The following FAM184B variants were observed in gnomAD, a reference collection of about 807,000 sequenced individuals.
FAM184B encodes family with sequence similarity 184 member B.
A neutral mutation model predicts 135.9 loss-of-function variants in FAM184B; 111 were observed. The ratio of observed to expected loss-of-function variants is 0.82; its 90% CI spans 0.70 to 0.96. The LOEUF (loss-of-function observed/expected upper bound fraction) is 0.96. Ranked by LOEUF, FAM184B falls within the 40% of genes least tolerant of loss-of-function variation. FAM184B has a pLI of 0.00. For synonymous variants in FAM184B, 552 were observed against 524.8 expected, an observed-to-expected ratio of 1.05 and a Z score of -0.71; for missense variants, 1,375 against 1,323.9, an observed-to-expected ratio of 1.04 and a Z score of -0.60.
At chr4:17,725,580 G>T (rs749388334) in intron 1 of FAM184B, among the ~76,000 whole-genome samples, 44 of 152,144 alleles carry the variant, frequency 2.9e-4, no homozygotes, top group Non-Finnish European at 6.0e-4. Context: ...ACATTTGAAG[G>T]TGAGGGTCTG....
chr4:17,761,039 C>T (rs1468691866), intron 1 of FAM184B, among the ~76,000 whole-genome samples: 1 of 152,170 alleles, frequency 6.6e-6, no homozygotes, highest in African/African-American at 2.4e-5. Context: ...TAGTTGAGGC[C>T]AGGGATACTG....
chr4:17,765,716 G>A (rs564594787), intron 1 of FAM184B, among the ~76,000 whole-genome samples: 8 of 152,270 alleles, frequency 5.3e-5, no homozygotes, highest in South Asian at 2.1e-4. Context: ...TAATGCGTCC[G>A]GAAATGGTGG....
At chr4:17,695,027 G>A (rs1263692576) in intron 5 of FAM184B, among the ~76,000 whole-genome samples, 1 of 152,166 alleles carries the variant, frequency 6.6e-6, no homozygotes, top group Non-Finnish European at 1.5e-5. Flanking sequence ...AGGACAGAGA[G>A]GAGCTGCCAT....
chr4:17,647,859 C>T (rs1577245557), intron 11 of FAM184B, 68 bp from the exon 12 acceptor site: 11 of 1,487,188 alleles, frequency 7.4e-6, no homozygotes, highest in Non-Finnish European at 9.9e-6. Context: ...ATGGGGACAA[C>T]AGTCTCTGGG....
chr4:17,751,240 G>A (rs1263484347), intron 1 of FAM184B, among the ~76,000 whole-genome samples: 1 of 150,548 alleles, frequency 6.6e-6, no homozygotes, highest in African/African-American at 2.5e-5. Context: ...CCCGGGAGGT[G>A]GAGGTTGCAG....
intron 12 of FAM184B, among the ~76,000 whole-genome samples, chr4:17,643,112 G>T (rs1715371062): frequency 6.6e-6 from 1 of 152,218 alleles, no homozygotes; most frequent in Admixed American, 6.5e-5. Flanking sequence ...AGAGCAGGGG[G>T]GTTACTGCTC....
chr4:17,630,131 C>G lies in FAM184B; in HGVS notation c.*2401G>C, dbSNP rs890218088. ...ATTTTCTCCTTGCCCAGGGATCATG[C>G]TGAGTTTAAGGACAGAAATGCAAAG... On this transcript the variant is annotated 3_prime_UTR_variant, in exon 18 of 18. Coordinates refer to ENST00000265018, the MANE Select transcript of FAM184B (RefSeq NM_015688.2). The G allele has an allele frequency of 1.3e-5, 2 of 152,182 alleles. No homozygotes were observed. Among genetic ancestry groups the G allele is most frequent in the Non-Finnish European group, 2.9e-5 (2 of 68,032 alleles). 9.4% of individuals were successfully genotyped at this position (152,182 alleles called of 1,614,324 possible). A position where few individuals can be genotyped will look rare whatever the true frequency, so the allele number is the denominator to read the frequency against.
chr4:17,665,652 A>AG, intron 7 of FAM184B, among the ~76,000 whole-genome samples: 1 of 152,172 alleles, frequency 6.6e-6, no homozygotes, highest in African/African-American at 2.4e-5. Context: ...GGCAGAGCTG[A>AG]GGCTGGAGGG....
rs998083431 is a variant in FAM184B, at chr4:17,781,136, T to A, written c.141+23A>T. ...CGGGCGCCCCGGGCGTGCAGCTCGCTGGCCCGCTGCGCCCCACCTTACCTT... is the reference window on the plus strand; with the variant it reads ...CGGGCGCCCCGGGCGTGCAGCTCGCAGGCCCGCTGCGCCCCACCTTACCTT... On this transcript the variant is annotated intron_variant, in intron 1 of 17. Transcript: ENST00000265018. This position sits in a 1 kb window ranked among gnomAD's most constrained non-coding sequence, Gnocchi z 6.5. The A allele has an allele frequency of 6.0e-6, 9 of 1,505,400 alleles. No homozygotes were observed. The highest frequency in any genetic ancestry group is 8.0e-6 in the Non-Finnish European group (9 of 1,123,908). 93.3% of individuals were successfully genotyped at this position (1,505,400 alleles called of 1,614,324 possible).
chr4:17,637,175 C>T lies in FAM184B; in HGVS notation c.2667-530G>A, dbSNP rs1715168405. Among the ~76,000 whole-genome samples the T allele has an allele frequency of 2.0e-5, 3 of 152,246 alleles. No individual in the cohort carries two copies. The South Asian group carries it at 6.2e-4, about 32-fold the overall frequency. On this transcript the variant is annotated intron_variant, in intron 14 of 17. Coordinates refer to ENST00000265018, the MANE Select transcript of FAM184B (RefSeq NM_015688.2). Reference sequence around the variant, plus strand: ...TCCTGAGCAGCTGGTACTACAGGCGCGCGCCACCGTGCCAGGGAAATTTTT... The same window carrying T: ...TCCTGAGCAGCTGGTACTACAGGCGTGCGCCACCGTGCCAGGGAAATTTTT...
intron 1 of FAM184B, among the ~76,000 whole-genome samples, chr4:17,763,928 C>T (rs1718600293): frequency 6.6e-6 from 1 of 152,168 alleles, no homozygotes; most frequent in Non-Finnish European, 1.5e-5. Flanking sequence ...CTAGCTTGGC[C>T]TTACTAAAAA....
intron 6 of FAM184B, among the ~76,000 whole-genome samples, chr4:17,688,808 C>A (rs1007461305): frequency 4.6e-5 from 7 of 150,832 alleles, no homozygotes; most frequent in African/African-American, 1.7e-4. Context: ...TCTCCTGCCT[C>A]AGCCTCCTGA....
intron 5 of FAM184B, among the ~76,000 whole-genome samples, chr4:17,695,153 T>C (rs1716825575): frequency 5.3e-5 from 1 of 18,922 alleles, no homozygotes. Context: ...GCTACTGTTT[T>C]TCTTTGTTGT....
intron 7 of FAM184B, among the ~76,000 whole-genome samples, chr4:17,678,791 A>G (rs144395722): frequency 0.029 from 4,477 of 152,332 alleles, 88 homozygotes; most frequent in South Asian, 0.063. Flanking sequence ...CTATAAGGCC[A>G]TAGTCACTAA....
At chr4:17,721,421 C>A (rs1475385470) in intron 1 of FAM184B, among the ~76,000 whole-genome samples, 3 of 112,886 alleles carry the variant, frequency 2.7e-5, no homozygotes, top group Non-Finnish European at 4.0e-5. Flanking sequence ...TTTGCCCTAG[C>A]AGAAAGGGCA....
Position 17,780,161 on chromosome 4 carries a change from G to A in FAM184B, c.141+998C>T, listed in dbSNP as rs534687460. 3.3e-5 allele frequency among the ~76,000 whole-genome samples: 5 copies of A among 152,228 alleles called. No homozygotes were observed. In the South Asian group the frequency reaches 1.0e-3, roughly 32 times the overall value. On this transcript the variant is annotated intron_variant, in intron 1 of 17. Coordinates refer to ENST00000265018, the MANE Select transcript of FAM184B (RefSeq NM_015688.2). ...TCTATTCCTCCTGGCAAAATAGTGA[G>A]GTTGGCGGGACAGGGGGAGGGGAAT...
rs6847966 is a variant in FAM184B at position 17,632,632 on chromosome 4, G to A, written c.3090-7C>T. ...CGTTTCACCATCTGGGGTCCTAAAAGCAAAAAAAGGTTTTTTTATATGGTT... is the reference window on the plus strand; with the variant it reads ...CGTTTCACCATCTGGGGTCCTAAAAACAAAAAAAGGTTTTTTTATATGGTT... On this transcript the variant is annotated splice_region_variant and splice_polypyrimidine_tract_variant and intron_variant, in intron 17 of 17. Coordinates refer to ENST00000265018, the MANE Select transcript of FAM184B (RefSeq NM_015688.2). 942,046 of 1,539,206 alleles carry A rather than the reference G, an allele frequency of 0.61. 292,170 individuals carry two copies. The highest frequency in any genetic ancestry group is 0.91 in the East Asian group (37,035 of 40,818).
chr4:17,744,296 C>T (rs546533133), intron 1 of FAM184B, among the ~76,000 whole-genome samples: 8 of 151,926 alleles, frequency 5.3e-5, no homozygotes, highest in Non-Finnish European at 1.0e-4. Flanking sequence ...CCAGGGGCTG[C>T]GAATTATGAG....
chr4:17,713,384 A>G (rs1343972435), intron 1 of FAM184B, among the ~76,000 whole-genome samples: 1 of 152,170 alleles, frequency 6.6e-6, no homozygotes, highest in Non-Finnish European at 1.5e-5. Flanking sequence ...GCTGTCTCCA[A>G]AACTCCTCCC....
Sources: allele counts gnomAD v4.1 joint callset (sites outside exome capture counted in the v4.1 genomes callset), GRCh38; gene constraint gnomAD v4.1.1; non-coding constraint Gnocchi (gnomAD v3.1); transcripts MANE v1.5; gene names NCBI Gene and HGNC (gene_info 2026-07-23, HGNC 2026-07-21).